The following AP1S3 variants were observed in gnomAD, a reference collection of about 807,000 sequenced individuals.
AP1S3 encodes the protein AP-1 complex subunit sigma-3.
Under a neutral mutation model 20.9 loss-of-function variants are expected in AP1S3, and 10 were observed. The observed-to-expected ratio is 0.48, with a 90% CI of 0.29 to 0.81. The LOEUF (loss-of-function observed/expected upper bound fraction) is 0.81. Among genes scored for constraint, AP1S3 ranks in the 30% least tolerant of loss-of-function variants. The pLI, the probability that AP1S3 is intolerant of heterozygous loss-of-function variation, is 0.08. For synonymous variants in AP1S3, 41 were observed against 61.5 expected, an observed-to-expected ratio of 0.67 and a Z score of 1.56; for missense variants, 154 against 183.8, an observed-to-expected ratio of 0.84 and a Z score of 0.94.
intron 1 of AP1S3, among the ~76,000 whole-genome samples, chr2:223,790,882 C>T (rs1225482174): frequency 6.6e-6 from 1 of 152,016 alleles, no homozygotes; most frequent in Non-Finnish European, 1.5e-5. Flanking sequence ...TCAGAGAATA[C>T]AAAAACACCT....
At chr2:223,815,227 T>C (rs1304917035) in intron 1 of AP1S3, among the ~76,000 whole-genome samples, 1 of 152,224 alleles carries the variant, frequency 6.6e-6, no homozygotes, top group East Asian at 1.9e-4. Flanking sequence ...CTTTGAGTAC[T>C]TTTTGGCATC....
At chr2:223,816,618 A>T (rs1691849436) in intron 1 of AP1S3, among the ~76,000 whole-genome samples, 3 of 152,240 alleles carry the variant, frequency 2.0e-5, no homozygotes, top group Admixed American at 2.0e-4. Flanking sequence ...TAATAAGATC[A>T]GTCTGACACT....
intron 4 of AP1S3, among the ~76,000 whole-genome samples, chr2:223,761,986 T>C (rs1690365169): frequency 6.6e-6 from 1 of 151,736 alleles, no homozygotes; most frequent in Non-Finnish European, 1.5e-5. Context: ...TTTCTTTTCT[T>C]TTTTGAGACA....
Position 223,757,023 on chromosome 2 carries a change from C to T in AP1S3, c.*1692G>A. 1 of 978,176 alleles carries T rather than the reference C, an allele frequency of 1.0e-6. No individual in the cohort carries two copies. The highest frequency in any genetic ancestry group is 1.2e-6 in the Non-Finnish European group (1 of 825,918). The allele number at this position is 978,176 out of a possible 1,614,324, so 60.6% of individuals were successfully genotyped here. On this transcript the variant is annotated 3_prime_UTR_variant, in exon 5 of 5. Transcript: ENST00000396654. ...TTTTTTTTCTTGAGACGCAGTCTTG[C>T]TCTGTCACCCGCCTGGAGTGCACTG...
intron 4 of AP1S3, among the ~76,000 whole-genome samples, chr2:223,761,499 A>G (rs1480083733): frequency 1.3e-5 from 2 of 152,014 alleles, no homozygotes; most frequent in African/African-American, 4.8e-5. Flanking sequence ...ATTACCGCTC[A>G]CTGCAGCCTT....
intron 1 of AP1S3, among the ~76,000 whole-genome samples, chr2:223,800,241 A>G (rs1691435629): frequency 6.6e-6 from 1 of 151,686 alleles, no homozygotes; most frequent in African/African-American, 2.4e-5. Flanking sequence ...AAAAAAAATC[A>G]ATCAATGTAG....
intron 1 of AP1S3, among the ~76,000 whole-genome samples, chr2:223,780,308 T>TATATATAG (rs1690902266): frequency 1.6e-5 from 1 of 62,048 alleles, no homozygotes; most frequent in Non-Finnish European, 2.8e-5. Context: ...TATATATATA[T>TATATATAG]AGAGAGAGAG....
intron 1 of AP1S3, among the ~76,000 whole-genome samples, chr2:223,833,241 A>AATAAATAC (rs112316770): frequency 0.22 from 31,994 of 148,324 alleles, 3,851 homozygotes; most frequent in Admixed American, 0.35. Flanking sequence ...TTAAAGGCAA[A>AATAAATAC]ATACATACAT....
chr2:223,819,540 C>G (rs1691936942), intron 1 of AP1S3, among the ~76,000 whole-genome samples: 1 of 150,594 alleles, frequency 6.6e-6, no homozygotes, highest in Non-Finnish European at 1.5e-5. Context: ...ATAAAATTGA[C>G]ATTTAATTAT....
At chr2:223,784,247 C>T (rs1691022058) in intron 1 of AP1S3, among the ~76,000 whole-genome samples, 1 of 152,168 alleles carries the variant, frequency 6.6e-6, no homozygotes, top group Admixed American at 6.5e-5. Context: ...AAGCACCTTT[C>T]CCTTTGATCC....
At chr2:223,777,555 A>G (rs1431338529) in intron 2 of AP1S3, 136 bp downstream of exon 2, 6 of 733,738 alleles carry the variant, frequency 8.2e-6, no homozygotes, top group African/African-American at 1.8e-5. Flanking sequence ...TAGTTAGTCT[A>G]TTGGTACAAA....
rs560493124 is a variant in AP1S3 at position 223,765,737 on chromosome 2, A to G, written c.292-387T>C. On this transcript the variant is annotated intron_variant, in intron 3 of 4. Transcript: ENST00000396654. Reference sequence around the variant, plus strand: ...GTAAATCTTGGCTTCTAGCTTTAGAACTCTCTCAGAAACTAATTCTTCAGA... The same window carrying G: ...GTAAATCTTGGCTTCTAGCTTTAGAGCTCTCTCAGAAACTAATTCTTCAGA... Among the ~76,000 whole-genome samples the G allele has an allele frequency of 2.6e-5, 4 of 151,990 alleles. No homozygotes were observed. In the East Asian group the frequency reaches 7.7e-4, roughly 29 times the overall value.
intron 1 of AP1S3, among the ~76,000 whole-genome samples, chr2:223,781,893 CTT>C (rs1161118742): frequency 6.6e-6 from 1 of 151,832 alleles, no homozygotes; most frequent in African/African-American, 2.4e-5. Context: ...ACCTAAATCT[CTT>C]GTTATAATTT....
intron 1 of AP1S3, among the ~76,000 whole-genome samples, chr2:223,790,890 C>T (rs1691202380): frequency 6.6e-6 from 1 of 152,112 alleles, no homozygotes; most frequent in Non-Finnish European, 1.5e-5. Context: ...TACAAAAACA[C>T]CTCTATGCAC....
intron 3 of AP1S3, chr2:223,770,328 G>A (rs920578733): frequency 4.5e-6 from 7 of 1,550,390 alleles, no homozygotes; most frequent in Non-Finnish European, 6.1e-6. Context: ...TTAAACTCCT[G>A]CAAAGTGAAC....
chr2:223,781,563 C>T (rs1025795398), intron 1 of AP1S3, among the ~76,000 whole-genome samples: 3 of 151,762 alleles, frequency 2.0e-5, no homozygotes, highest in Non-Finnish European at 4.4e-5. Context: ...TAGCAAGACC[C>T]CATATCTATT....
chr2:223,788,031 G>A (rs1025313121), intron 1 of AP1S3, among the ~76,000 whole-genome samples: 18 of 151,696 alleles, frequency 1.2e-4, no homozygotes, highest in African/African-American at 4.1e-4. Flanking sequence ...ATCTCGGCTC[G>A]CCCAGGTTCA....
At position 223,765,346 on chromosome 2, in the gene AP1S3, C is replaced by G; in HGVS notation, c.296G>C (p.Cys99Ser). The G allele has an allele frequency of 1.2e-6, 2 of 1,611,634 alleles. No individual in the cohort carries two copies. Among genetic ancestry groups the G allele is most frequent in the Non-Finnish European group, 1.7e-6 (2 of 1,179,322 alleles). Residue 99 changes from cysteine to serine, a missense_variant, in exon 4 of 5, where the codon TGT becomes TCT. Transcript: ENST00000396654. The stretch of plus-strand genomic sequence containing the variant: ...AAAATTAAAGATAATATCCAGCTCA[C>G]AGACCTGGTGGGACAAAAACAAACG... ...ELLDKYFGNV[C>S]ELDIIFNFEK...
At chr2:223,811,848 A>G (rs1271377636) in intron 1 of AP1S3, among the ~76,000 whole-genome samples, 1 of 152,220 alleles carries the variant, frequency 6.6e-6, no homozygotes, top group Non-Finnish European at 1.5e-5. Context: ...TTGAGCTGAT[A>G]AAATAATGGC....
Sources: allele counts gnomAD v4.1 joint callset (sites outside exome capture counted in the v4.1 genomes callset), GRCh38; gene constraint gnomAD v4.1.1; transcripts MANE v1.5; gene names NCBI Gene and HGNC (gene_info 2026-07-23, HGNC 2026-07-21).